GIPC1: variants seen among roughly 807,000 people sequenced by gnomAD.
The protein encoded by GIPC1 is GIPC PDZ domain containing family member 1, also known as PDZ domain-containing protein GIPC1.
In GIPC1, 15 loss-of-function variants were observed where a neutral mutation model predicts 28.5. The ratio of observed to expected loss-of-function variants is 0.53; its 90% confidence interval spans 0.35 to 0.81. The LOEUF (loss-of-function observed/expected upper bound fraction) is 0.81. Ranked by LOEUF, GIPC1 falls within the 30% of genes least tolerant of loss-of-function variation. The pLI is 0.01. For missense variants in GIPC1, 439 were observed against 481.9 expected, an observed-to-expected ratio of 0.91 and a Z score of 0.83; for synonymous variants, 224 against 206.1, an observed-to-expected ratio of 1.09 and a Z score of -0.74.
chr19:14,483,184 G>A lies in GIPC1; in HGVS notation c.-30-178C>T, dbSNP rs143196241. The stretch of plus-strand genomic sequence containing the variant: ...TAAAAGTAATAATAGGGCTGGGTGC[G>A]GTGGCTCACGCCTGTAATCCCACCA... On this transcript the variant is annotated intron_variant, in intron 3 of 8. Transcript: ENST00000393033. The A allele has an allele frequency of 8.9e-4, 505 of 570,422 alleles. 6 individuals carry two copies. The highest frequency in any genetic ancestry group is 8.2e-3 in the African/African-American group (428 of 52,118). 35.3% of individuals were successfully genotyped at this position (570,422 alleles called of 1,614,324 possible).
chr19:14,491,215 A>G (rs1020458035), intron 3 of GIPC1, among the ~76,000 whole-genome samples: 2 of 150,782 alleles, frequency 1.3e-5, no homozygotes, highest in Non-Finnish European at 3.0e-5. Context: ...CTCCTATCCA[A>G]TGGTCTCTTC....
At chr19:14,489,503 A>AC (rs770037977) in intron 3 of GIPC1, 9 of 915,870 alleles carry the variant, frequency 9.8e-6, no homozygotes, top group African/African-American at 1.6e-5. Context: ...CCCTTTATGA[A>AC]CCTTGTGATA....
At position 14,478,487 on chromosome 19, in the gene GIPC1, A is replaced by G. The variant is rs775587781; in HGVS notation, c.931T>C (p.Phe311Leu). Residue 311 changes from phenylalanine (F) to leucine (L), a missense_variant, in exon 9 of 9, where the codon TTT (phenylalanine) becomes CTT (leucine). Phe to Leu is a conservative substitution (Grantham distance 22, BLOSUM62 0). Coordinates refer to ENST00000393033, the MANE Select transcript of GIPC1 (RefSeq NM_005716.4). This position sits in a 1 kb window ranked among gnomAD's most constrained non-coding sequence, Gnocchi z 5.2. ...AEALDERLGD[F>L]AFPDEFVFDV... ...AAGACGAACTCGTCAGGGAAGGCAA[A>G]GTCACCCAGCCGTTCGTCCAGGGCC... 1.2e-6 allele frequency: 2 copies of G among 1,613,786 alleles called. No homozygotes were observed. The highest frequency in any genetic ancestry group is 1.7e-6 in the Non-Finnish European group (2 of 1,179,934).
intron 4 of GIPC1, 38 bp downstream of exon 4, chr19:14,482,651 C>T: frequency 6.3e-7 from 1 of 1,596,614 alleles, no homozygotes; most frequent in Non-Finnish European, 8.6e-7. Flanking sequence ...CTCTGGTCCA[C>T]CATCAGGGAC....
intron 3 of GIPC1, among the ~76,000 whole-genome samples, chr19:14,490,665 G>A (rs950331048): frequency 1.2e-4 from 17 of 147,566 alleles, no homozygotes; most frequent in East Asian, 2.0e-4. Context: ...CAATAAGAGC[G>A]AAATTCTGTC....
At chr19:14,488,399 C>T (rs1039974767) in intron 3 of GIPC1, among the ~76,000 whole-genome samples, 13 of 150,590 alleles carry the variant, frequency 8.6e-5, no homozygotes, top group Non-Finnish European at 1.8e-4. Context: ...TGCAGTGAGC[C>T]GAGATCACAC....
At position 14,480,667 on chromosome 19, in the gene GIPC1, C is replaced by T. The variant is rs748244193; in HGVS notation, c.400G>A (p.Val134Met). Residue 134 changes from valine to methionine, a missense_variant, in exon 5 of 9, where the codon GTG becomes ATG. By Grantham distance (21) the Val-to-Met change is conservative. Coordinates refer to ENST00000393033, the MANE Select transcript of GIPC1 (RefSeq NM_005716.4). The part of the protein sequence containing the change: ...FAHVKGQRKE[V>M]EVFKSEDALG... ...GCATCCTCCGACTTGAACACCTCCA[C>T]CTCCTTGCGCTGCCCCTTCACGTGG... is the stretch of plus-strand genomic sequence containing the variant. 1 of 1,614,224 alleles carries T rather than the reference C, an allele frequency of 6.2e-7. No individual in the cohort carries two copies. The highest frequency in any genetic ancestry group is 2.2e-5 in the East Asian group (1 of 44,884).
At position 14,480,307 on chromosome 19, in the gene GIPC1, A is replaced by AAGGCC; in HGVS notation, c.648_652dup (p.Phe218TrpfsTer5). ...AGGTCCAGGGGGCGGCTCCTCACCG[A>AAGGCC]AGGCCTTGCGAGGCTCCGTGAGCTT... On this transcript the variant is annotated frameshift_variant, in exon 6 of 9. Transcript: ENST00000393033. LOFTEE classifies it high-confidence loss of function. 1 of 1,610,326 alleles carries AAGGCC rather than the reference A, an allele frequency of 6.2e-7. No homozygotes were observed. The highest frequency in any genetic ancestry group is 8.5e-7 in the Non-Finnish European group (1 of 1,179,458).
intron 3 of GIPC1, among the ~76,000 whole-genome samples, chr19:14,489,162 A>G (rs1175443490): frequency 6.6e-6 from 1 of 152,048 alleles, no homozygotes; most frequent in Non-Finnish European, 1.5e-5. Context: ...GGCTCAAGCA[A>G]TCCTCCCGCC....
In GIPC1 at chr19:14,478,636, G is replaced by T; in HGVS notation, c.850+48C>A. The stretch of plus-strand genomic sequence containing the variant: ...GACCAAGGGGCTCAGGGTGGATTCG[G>T]CCCCCAGCAGACCTAGATGCCCCCT... On this transcript the variant is annotated intron_variant, in intron 8 of 8. Transcript: ENST00000393033. The surrounding 1 kb of genome is among the most constrained non-coding windows in gnomAD (Gnocchi z 5.2). 6.2e-7 allele frequency: 1 copy of T among 1,610,534 alleles called. No homozygotes were observed. Among genetic ancestry groups the T allele is most frequent in the Non-Finnish European group, 8.5e-7 (1 of 1,176,996 alleles).
chr19:14,489,567 G>A lies in GIPC1; in HGVS notation c.-31+2089C>T, dbSNP rs904492201. On this transcript the variant is annotated intron_variant, in intron 3 of 8. Coordinates refer to ENST00000393033, the MANE Select transcript of GIPC1 (RefSeq NM_005716.4). Reference sequence around the variant, plus strand: ...GACAACAGAAAAATATTGGAATGGTGGAAATACGAGGAAATAGTATCATCA... The same window carrying A: ...GACAACAGAAAAATATTGGAATGGTAGAAATACGAGGAAATAGTATCATCA... 3 of 994,020 alleles carry A rather than the reference G, an allele frequency of 3.0e-6. No individual in the cohort carries two copies. The African/African-American group carries it at 4.8e-5, about 16-fold the overall frequency. 61.6% of individuals were successfully genotyped at this position (994,020 alleles called of 1,614,324 possible). A position where few individuals can be genotyped will look rare whatever the true frequency, so the allele number is the denominator to read the frequency against.
At chr19:14,490,974 CA>C (rs111731833) in intron 3 of GIPC1, among the ~76,000 whole-genome samples, 3,504 of 113,024 alleles carry the variant, frequency 0.031, 50 homozygotes, top group East Asian at 0.092. Flanking sequence ...GACTCCATCT[CA>C]AAAAAAAAAA....
At chr19:14,489,891 GAAA>G (rs200796134) in intron 3 of GIPC1, among the ~76,000 whole-genome samples, 1 of 125,594 alleles carries the variant, frequency 8.0e-6, no homozygotes, top group Admixed American at 8.2e-5. Context: ...ATGGCAAGGA[GAAA>G]AAAAAAAAAA....
In GIPC1 at chr19:14,482,945, GC is replaced by G; in HGVS notation, c.31del (p.Ala11ArgfsTer4). On this transcript the variant is annotated frameshift_variant, in exon 4 of 9. Coordinates refer to ENST00000393033, the MANE Select transcript of GIPC1 (RefSeq NM_005716.4). LOFTEE classifies it high-confidence loss of function. MPLGLGRRKK[A>X]PPLVENEEAE... ...CTCCTCATTTTCCACTAGAGGGGGC[GC>G]CTTTTTCCGCCGCCCCAGTCCCAGC... is the stretch of plus-strand genomic sequence containing the variant. 6.2e-7 allele frequency: 1 copy of G among 1,611,580 alleles called. No homozygotes were observed. The highest frequency in any genetic ancestry group is 8.5e-7 in the Non-Finnish European group (1 of 1,179,718).
At chr19:14,481,040 A>G (rs1047506052) in intron 4 of GIPC1, 11 of 439,738 alleles carry the variant, frequency 2.5e-5, no homozygotes, top group African/African-American at 2.2e-4. Context: ...GTGCCATCAT[A>G]GTCACTGCAG....
intron 3 of GIPC1, among the ~76,000 whole-genome samples, chr19:14,487,571 T>C (rs2071875323): frequency 6.6e-6 from 1 of 151,920 alleles, no homozygotes; most frequent in African/African-American, 2.4e-5. Context: ...AGATGCTATA[T>C]AGGCTAGCTG....
intron 3 of GIPC1, 120 bp from the exon 4 acceptor site, chr19:14,483,126 C>A: frequency 1.5e-6 from 1 of 657,970 alleles, no homozygotes; most frequent in East Asian, 2.8e-5. Flanking sequence ...CGGTTGAAAT[C>A]CTCATCTCTT....
chr19:14,482,863 A>C lies in GIPC1; in HGVS notation c.114T>G (p.Gly38=), dbSNP rs2146468969. ...AGCCCATTTGGGGGCCCCCCGACCC[A>C]CCTCCGCCCAGAGGCCCTGGCTCCC... ...GVGEPGPLGG[G]GSGGPQMGLP... is the part of the protein sequence containing the mutation. The change falls in exon 4 of 9, where the codon GGT becomes GGG. Residue 38 remains glycine (G), a synonymous_variant. Coordinates refer to ENST00000393033, the MANE Select transcript of GIPC1 (RefSeq NM_005716.4). 1.3e-6 allele frequency: 2 copies of C among 1,577,710 alleles called. No homozygotes were observed.
At position 14,496,058 on chromosome 19, in the gene GIPC1, C is replaced by CGCCGCCGCCGCCGCCGCCGCCGCT. The variant is rs1599369577; in HGVS notation, c.-197_-196insAGCGGCGGCGGCGGCGGCGGCGGC. On this transcript the variant is annotated 5_prime_UTR_variant, in exon 1 of 9. Transcript: ENST00000393033. ...TCACCTGCTCCGCCGCCGCCGCCGC[C>CGCCGCCGCCGCCGCCGCCGCCGCT]GCCGCCGCCGCCGCCGCTGCCTCCG... 4.0e-6 allele frequency: 1 copy of CGCCGCCGCCGCCGCCGCCGCCGCT among 249,028 alleles called. No individual in the cohort carries two copies. Among genetic ancestry groups the CGCCGCCGCCGCCGCCGCCGCCGCT allele is most frequent in the African/African-American group, 2.4e-5 (1 of 41,396 alleles). The allele number at this position is 249,028 out of a possible 1,614,324, so 15.4% of individuals were successfully genotyped here.
Sources: gnomAD v4.1 joint callset for allele counts (sites outside exome capture counted in the v4.1 genomes callset) on GRCh38, gnomAD v4.1.1 for gene constraint, Gnocchi (gnomAD v3.1) non-coding constraint, MANE v1.5 for transcripts, NCBI Gene and HGNC (gene_info 2026-07-23, HGNC 2026-07-21) for gene names.